Variants in GRIN2B observed in about 807,000 individuals in gnomAD.
GRIN2B encodes glutamate ionotropic receptor NMDA type subunit 2B, also known as glutamate receptor ionotropic, NMDA 2B.
In GRIN2B, 5 loss-of-function variants were observed where a neutral mutation model predicts 114.5. The ratio of observed to expected loss-of-function variants is 0.04; its 90% CI spans 0.02 to 0.09. The LOEUF is 0.09. Among genes scored for constraint, GRIN2B ranks in the 10% least tolerant of loss-of-function variants. GRIN2B has a pLI of 1.00. For synonymous variants in GRIN2B, 787 were observed against 745.1 expected, an observed-to-expected ratio of 1.06 and a Z score of -0.92; for missense variants, 1,108 against 1,943.5, an observed-to-expected ratio of 0.57 and a Z score of 8.08.
At position 13,843,229 on chromosome 12, in the gene GRIN2B, T is replaced by TCA. The variant is rs149491169; in HGVS notation, c.411+22567_411+22568dup. Among the ~76,000 whole-genome samples the TCA allele has an allele frequency of 7.4e-3, 1,104 of 149,322 alleles. 9 individuals carry two copies. Among genetic ancestry groups the TCA allele is most frequent in the South Asian group, 0.014 (65 of 4,724 alleles). ...ATGTTCTCCTGAATCCCCATACACA[T>TCA]CACACACACACACACTCGCACAGAC... is the stretch of plus-strand genomic sequence containing the variant. On this transcript the variant is annotated intron_variant, in intron 3 of 13. Transcript: ENST00000609686.
chr12:13,608,529 G>T, intron 10 of GRIN2B, 74 bp downstream of exon 10: 1 of 1,072,428 alleles, frequency 9.3e-7, no homozygotes, highest in Non-Finnish European at 1.4e-6. Flanking sequence ...AAGACAAGCA[G>T]GTACATGAGA....
intron 3 of GRIN2B, among the ~76,000 whole-genome samples, chr12:13,830,140 AG>A (rs1161777310): frequency 6.6e-6 from 1 of 152,234 alleles, no homozygotes; most frequent in African/African-American, 2.4e-5. Flanking sequence ...GGGACTTTAA[AG>A]AAGGATGTAT....
At chr12:13,678,423 G>A (rs1394657402) in intron 4 of GRIN2B, among the ~76,000 whole-genome samples, 2 of 152,060 alleles carry the variant, frequency 1.3e-5, no homozygotes, top group Non-Finnish European at 2.9e-5. Context: ...AGCTAATTGG[G>A]AGCAGAAGTA....
intron 4 of GRIN2B, among the ~76,000 whole-genome samples, chr12:13,713,863 A>G (rs111391995): frequency 2.2e-4 from 34 of 151,970 alleles, no homozygotes; most frequent in African/African-American, 7.5e-4. Context: ...GCTGGAGAAC[A>G]ATGCAGAGTG....
intron 4 of GRIN2B, among the ~76,000 whole-genome samples, chr12:13,687,485 A>G (rs2300243): frequency 4.6e-5 from 7 of 151,838 alleles, no homozygotes. Context: ...CACAGCCATA[A>G]CATCAACAAT....
At chr12:13,569,530 C>A (rs961130678) in intron 12 of GRIN2B, among the ~76,000 whole-genome samples, 3 of 152,274 alleles carry the variant, frequency 2.0e-5, no homozygotes, top group Non-Finnish European at 4.4e-5. Context: ...ATAGGAGAGG[C>A]ATGAAACAGA....
chr12:13,906,647 T>C lies in GRIN2B; in HGVS notation c.-18-40421A>G, dbSNP rs376139763. On this transcript the variant is annotated intron_variant, in intron 2 of 13. Coordinates refer to ENST00000609686, the MANE Select transcript of GRIN2B (RefSeq NM_000834.5). ...ATTTAATCAGACAAAATCAATTCCA[T>C]TTTGTTATACACAGCACTTCATGTC... Among the ~76,000 whole-genome samples, 3 of 152,294 alleles carry C rather than the reference T, an allele frequency of 2.0e-5. No individual in the cohort carries two copies. The South Asian group carries it at 6.2e-4, about 32-fold the overall frequency.
chr12:13,980,016 T>C lies in GRIN2B; in HGVS notation c.-107A>G, dbSNP rs553930487. The C allele has an allele frequency of 6.6e-6, 1 of 152,108 alleles. No individual in the cohort carries two copies. The highest frequency in any genetic ancestry group is 1.5e-5 in the Non-Finnish European group (1 of 68,034). 9.4% of individuals were successfully genotyped at this position (152,108 alleles called of 1,614,324 possible). The stretch of plus-strand genomic sequence containing the variant: ...CCAGTCCCTTCTTCTCGCTTGCATA[T>C]CCACATAAGAAAGACGAAGGATAAA... On this transcript the variant is annotated 5_prime_UTR_variant, in exon 2 of 14. Transcript: ENST00000609686.
chr12:13,834,197 A>ATTTTTTTTTTTTTTTTTTTTTTTT (rs756189402), intron 3 of GRIN2B, among the ~76,000 whole-genome samples: 3 of 111,502 alleles, frequency 2.7e-5, no homozygotes, highest in Admixed American at 9.4e-5. Context: ...CGCCTGGCTA[A>ATTTTTTTTTTTTTTTTTTTTTTTT]TTTTTTTTTT....
chr12:13,598,829 C>G (rs1022155022), intron 10 of GRIN2B, among the ~76,000 whole-genome samples: 1 of 152,192 alleles, frequency 6.6e-6, no homozygotes, highest in African/African-American at 2.4e-5. Flanking sequence ...TACCCCACCA[C>G]TTCCCTGGCA....
chr12:13,978,169 T>A (rs1427132532), intron 2 of GRIN2B, among the ~76,000 whole-genome samples: 1 of 152,216 alleles, frequency 6.6e-6, no homozygotes, highest in Admixed American at 6.5e-5. Context: ...TCCATCTGTA[T>A]GTATGAAAGC....
At chr12:13,891,684 G>A (rs946392059) in intron 2 of GRIN2B, among the ~76,000 whole-genome samples, 2 of 152,080 alleles carry the variant, frequency 1.3e-5, no homozygotes, top group African/African-American at 4.8e-5. Flanking sequence ...CTGGCAAAAG[G>A]TGTCAGACTG....
chr12:13,730,693 T>C lies in GRIN2B; in HGVS notation c.1010+22624A>G, dbSNP rs192649296. ...ACCTCGTAATAGGGGGAAAATGGTT[T>C]GAATCTTTCCCTTCCCTCAAATTTC... On this transcript the variant is annotated intron_variant, in intron 4 of 13. Transcript: ENST00000609686. Among the ~76,000 whole-genome samples, 18 of 152,270 alleles carry C rather than the reference T, an allele frequency of 1.2e-4. No homozygotes were observed. In the East Asian group the frequency reaches 3.5e-3, roughly 29 times the overall value.
At chr12:13,680,435 GTTGTGTGTGTGTGTGTGTGTGTGTGTGT>G (rs1950118058) in intron 4 of GRIN2B, among the ~76,000 whole-genome samples, 1 of 116,368 alleles carries the variant, frequency 8.6e-6, no homozygotes, top group Non-Finnish European at 1.8e-5. Context: ...TCCCATCAAG[GTTGTGTGTGTGTGTGTGTGTGTGTGTGT>G]GTGTGTGTGT....
Position 13,684,245 on chromosome 12 carries a change from C to A in GRIN2B, c.1011-8386G>T, listed in dbSNP as rs543975223. ...TAATTTTAGTCTAGAATAAATGATTCCTCAAAATGATCCCCCTTCTGACCT... is the reference window on the plus strand; with the variant it reads ...TAATTTTAGTCTAGAATAAATGATTACTCAAAATGATCCCCCTTCTGACCT... On this transcript the variant is annotated intron_variant, in intron 4 of 13. Coordinates refer to ENST00000609686, the MANE Select transcript of GRIN2B (RefSeq NM_000834.5). Among the ~76,000 whole-genome samples the A allele has an allele frequency of 2.2e-4, 34 of 152,196 alleles. No individual in the cohort carries two copies. In the South Asian group the frequency reaches 6.8e-3, roughly 31 times the overall value.
intron 3 of GRIN2B, among the ~76,000 whole-genome samples, chr12:13,804,868 C>T (rs1864575006): frequency 6.6e-6 from 1 of 152,106 alleles, no homozygotes; most frequent in Non-Finnish European, 1.5e-5. Context: ...TCTCTAACAT[C>T]CTGCTCTTGA....
At chr12:13,827,229 C>CT (rs57007962) in intron 3 of GRIN2B, among the ~76,000 whole-genome samples, 13,548 of 98,596 alleles carry the variant, frequency 0.14, 1,154 homozygotes, top group Non-Finnish European at 0.17. Context: ...TTGTTGTTTT[C>CT]TTTTTTTTTT....
intron 3 of GRIN2B, among the ~76,000 whole-genome samples, chr12:13,769,387 T>G (rs1863864632): frequency 6.6e-6 from 1 of 152,052 alleles, no homozygotes. Flanking sequence ...TGTCACACGG[T>G]TCTCAAGATG....
At chr12:13,856,388 C>A (rs115876516) in intron 3 of GRIN2B, among the ~76,000 whole-genome samples, 1 of 152,214 alleles carries the variant, frequency 6.6e-6, no homozygotes, top group South Asian at 2.1e-4. Context: ...AATAATAGAT[C>A]TGAGTTTCCA....
Sources: allele counts gnomAD v4.1 joint callset (sites outside exome capture counted in the v4.1 genomes callset), GRCh38; gene constraint gnomAD v4.1.1; transcripts MANE v1.5; gene names NCBI Gene and HGNC (gene_info 2026-07-23, HGNC 2026-07-21).